TTC38: variants seen among roughly 807,000 people sequenced by gnomAD.
TTC38 encodes tetratricopeptide repeat protein 38.
TTC38 carries 64 observed loss-of-function variants against 64.2 expected under a neutral mutation model. The observed-to-expected ratio is 1.00, with a 90% CI of 0.81 to 1.23. TTC38 has a LOEUF of 1.23. Among genes scored for constraint, TTC38 ranks in the 50% most tolerant of loss-of-function variants. The pLI, the probability that TTC38 is intolerant of heterozygous loss-of-function variation, is 0.00. For synonymous variants in TTC38, 254 were observed against 249.3 expected (o/e 1.02, Z -0.18); for missense variants, 573 against 615.5 (o/e 0.93, Z 0.73).
At position 46,293,254 on chromosome 22, in the gene TTC38, C is replaced by T. The variant is rs145958827; in HGVS notation, c.*370C>T. Reference sequence around the variant, plus strand: ...CTGGGACAGGTCTTCCAGAGGCAGCCTCCCCCCACTGCCTGTCCCCGTCCC... The same window carrying T: ...CTGGGACAGGTCTTCCAGAGGCAGCTTCCCCCCACTGCCTGTCCCCGTCCC... On this transcript the variant is annotated 3_prime_UTR_variant, in exon 14 of 14. Coordinates refer to ENST00000381031, the MANE Select transcript of TTC38 (RefSeq NM_017931.4). The surrounding 1 kb of genome is among the most constrained non-coding windows in gnomAD (Gnocchi z 6.6). The T allele has an allele frequency of 4.0e-3, 929 of 231,278 alleles. 6 individuals are homozygous for T. The highest frequency in any genetic ancestry group is 6.1e-3 in the Non-Finnish European group (691 of 113,786). 14.3% of individuals were successfully genotyped at this position (231,278 alleles called of 1,614,324 possible).
chr22:46,285,005 G>A (rs1327750582), intron 8 of TTC38, among the ~76,000 whole-genome samples: 1 of 152,058 alleles, frequency 6.6e-6, no homozygotes, highest in Non-Finnish European at 1.5e-5. Flanking sequence ...TTCTTCAGTG[G>A]TGGCGGCACA....
chr22:46,271,280 G>A lies in TTC38; in HGVS notation c.112-1055G>A, dbSNP rs917819271. ...TTTTGAGACAGAGTCTCACTCTGTC[G>A]CCCAGGCTGGAGTGCAGTGGCGCCT... On this transcript the variant is annotated intron_variant, in intron 2 of 13. Transcript: ENST00000381031. This position sits in a 1 kb window ranked among gnomAD's most constrained non-coding sequence, Gnocchi z 5.5. 1.3e-5 allele frequency among the ~76,000 whole-genome samples: 2 copies of A among 150,906 alleles called. No homozygotes were observed. Among genetic ancestry groups the A allele is most frequent in the Non-Finnish European group, 3.0e-5 (2 of 67,706 alleles).
In TTC38 at chr22:46,273,894, C is replaced by T. The variant is rs1308868777; in HGVS notation, c.194-4C>T. 2 of 1,614,096 alleles carry T rather than the reference C, an allele frequency of 1.2e-6. No individual in the cohort carries two copies. The highest frequency in any genetic ancestry group is 1.1e-5 in the South Asian group (1 of 91,074). On this transcript the variant is annotated splice_region_variant and splice_polypyrimidine_tract_variant and intron_variant, in intron 3 of 13. Transcript: ENST00000381031. The surrounding 1 kb of genome is among the most constrained non-coding windows in gnomAD (Gnocchi z 5.1). Reference sequence around the variant, plus strand: ...CCACCAGCCGTTCTCTAACCTCCCACCAGTGATGGGCCACGCCATGGCTAC... The same window carrying T: ...CCACCAGCCGTTCTCTAACCTCCCATCAGTGATGGGCCACGCCATGGCTAC...
At chr22:46,289,970 G>A in intron 13 of TTC38, 71 bp downstream of exon 13, 7 of 1,378,364 alleles carry the variant, frequency 5.1e-6, no homozygotes, top group Non-Finnish European at 7.2e-6. Context: ...GGAGTGCCTG[G>A]AAGCCCCACC....
rs1396789017 is a variant in TTC38, at chr22:46,291,841, G to A, written c.1317-950G>A. On this transcript the variant is annotated intron_variant, in intron 13 of 13. Transcript: ENST00000381031. This position sits in a 1 kb window ranked among gnomAD's most constrained non-coding sequence, Gnocchi z 4.6. ...CGTGGTGGTGGGTACCTGTAATCCCGGCTAGTCGGGAGCCTGAGGCAGGAG... is the reference window on the plus strand; with the variant it reads ...CGTGGTGGTGGGTACCTGTAATCCCAGCTAGTCGGGAGCCTGAGGCAGGAG... Among the ~76,000 whole-genome samples the A allele has an allele frequency of 2.0e-5, 3 of 152,096 alleles. No homozygotes were observed. Among genetic ancestry groups the A allele is most frequent in the South Asian group, 2.1e-4 (1 of 4,812 alleles).
chr22:46,268,409 C>T (rs1439375669), intron 1 of TTC38, 105 bp from the exon 2 acceptor site: 2 of 1,241,544 alleles, frequency 1.6e-6, no homozygotes, highest in Admixed American at 2.0e-5. Flanking sequence ...GCCCATTTTA[C>T]AGATGAGGAA....
chr22:46,287,013 G>A, intron 9 of TTC38, 60 bp from the exon 10 acceptor site: 1 of 1,394,336 alleles, frequency 7.2e-7, no homozygotes, highest in Non-Finnish European at 9.8e-7. Context: ...CCCTGGCTGT[G>A]CCTGCAGCCC....
In TTC38 at chr22:46,274,655, G is replaced by C. The variant is rs1293307408; in HGVS notation, c.365+586G>C. Among the ~76,000 whole-genome samples, 4 of 152,182 alleles carry C rather than the reference G, an allele frequency of 2.6e-5. No individual in the cohort carries two copies. The highest frequency in any genetic ancestry group is 4.4e-5 in the Non-Finnish European group (3 of 68,034). On this transcript the variant is annotated intron_variant, in intron 4 of 13. Coordinates refer to ENST00000381031, the MANE Select transcript of TTC38 (RefSeq NM_017931.4). This position sits in a 1 kb window ranked among gnomAD's most constrained non-coding sequence, Gnocchi z 4.8. ...CTGGTCTTCCTGGTAAGTCAGCCCAGGTGTGGGTTCCACCTCAGAGACTTC... is the reference window on the plus strand; with the variant it reads ...CTGGTCTTCCTGGTAAGTCAGCCCACGTGTGGGTTCCACCTCAGAGACTTC...
In TTC38 at chr22:46,270,571, G is replaced by A. The variant is rs1043409433; in HGVS notation, c.112-1764G>A. 1.3e-5 allele frequency among the ~76,000 whole-genome samples: 2 copies of A among 152,178 alleles called. No individual in the cohort carries two copies. The highest frequency in any genetic ancestry group is 3.2e-3 in the Middle Eastern group (1 of 316). On this transcript the variant is annotated intron_variant, in intron 2 of 13. Transcript: ENST00000381031. This position sits in a 1 kb window ranked among gnomAD's most constrained non-coding sequence, Gnocchi z 4.7. ...TGATGCGCTGGGCGCGGTGACTCACGCCTGTAATCCCAGCACTTTGGGAGG... is the reference window on the plus strand; with the variant it reads ...TGATGCGCTGGGCGCGGTGACTCACACCTGTAATCCCAGCACTTTGGGAGG...
At position 46,289,468 on chromosome 22, in the gene TTC38, G is replaced by A. The variant is rs989283466; in HGVS notation, c.1149G>A (p.Leu383=). Residue 383 remains leucine, a synonymous_variant, in exon 12 of 14, where the codon CTG becomes CTA. Coordinates refer to ENST00000381031, the MANE Select transcript of TTC38 (RefSeq NM_017931.4). ...RDVGLPLCQA[L]VEAEDGNPDR... ...TGGGGCTGCCCCTGTGCCAGGCCCTGGTGGAGGCTGAGGACGGGAACCCTG... is the reference window on the plus strand; with the variant it reads ...TGGGGCTGCCCCTGTGCCAGGCCCTAGTGGAGGCTGAGGACGGGAACCCTG... 5.6e-6 allele frequency: 9 copies of A among 1,609,442 alleles called. No homozygotes were observed. The African/African-American group carries it at 1.1e-4, about 19-fold the overall frequency.
intron 6 of TTC38, among the ~76,000 whole-genome samples, chr22:46,280,809 G>A (rs931125334): frequency 5.3e-5 from 8 of 152,224 alleles, no homozygotes; most frequent in Non-Finnish European, 7.3e-5. Flanking sequence ...TGGGGCTGGC[G>A]GGAACTCATG....
In TTC38 at chr22:46,289,447, G is replaced by C. The variant is rs1555888469; in HGVS notation, c.1128G>C (p.Gly376=). The C allele has an allele frequency of 1.9e-6, 3 of 1,609,480 alleles. No individual in the cohort carries two copies. The highest frequency in any genetic ancestry group is 2.2e-5 in the South Asian group (2 of 90,994). The change falls in exon 12 of 14, where the codon GGG becomes GGC. Residue 376 remains glycine, a synonymous_variant. Coordinates refer to ENST00000381031, the MANE Select transcript of TTC38 (RefSeq NM_017931.4). The part of the protein sequence containing the change: ...NCQHLLARDV[G]LPLCQALVEA... ...AGCACCTCCTGGCCCGAGACGTGGG[G>C]CTGCCCCTGTGCCAGGCCCTGGTGG... is the stretch of plus-strand genomic sequence containing the variant.
In TTC38 at chr22:46,293,118, G is replaced by GT; in HGVS notation, c.*235dup. On this transcript the variant is annotated 3_prime_UTR_variant, in exon 14 of 14. Coordinates refer to ENST00000381031, the MANE Select transcript of TTC38 (RefSeq NM_017931.4). The surrounding 1 kb of genome is among the most constrained non-coding windows in gnomAD (Gnocchi z 6.6). ...GCATTTTTCAGCAGTCACAGCCAGTGTGAGTGCTGCTCTTTCCACCTGCCT... is the reference window on the plus strand; with the variant it reads ...GCATTTTTCAGCAGTCACAGCCAGTGTTGAGTGCTGCTCTTTCCACCTGCCT... 1.9e-6 allele frequency: 1 copy of GT among 516,398 alleles called. No homozygotes were observed. Among genetic ancestry groups the GT allele is most frequent in the Non-Finnish European group, 3.5e-6 (1 of 281,740 alleles). The allele number at this position is 516,398 out of a possible 1,614,324, so 32.0% of individuals were successfully genotyped here.
intron 5 of TTC38, among the ~76,000 whole-genome samples, chr22:46,278,166 G>A (rs775994534): frequency 2.6e-4 from 40 of 152,222 alleles, no homozygotes; most frequent in Non-Finnish European, 5.3e-4. Flanking sequence ...TGGAGCAGCA[G>A]ACAGGTACTC....
At chr22:46,269,362 AG>A (rs1174174615) in intron 2 of TTC38, 1 of 178,810 alleles carries the variant, frequency 5.6e-6, no homozygotes, top group Non-Finnish European at 1.3e-5. Flanking sequence ...CTACCAATGA[AG>A]GGTCCTATAG....
chr22:46,270,858 C>T lies in TTC38; in HGVS notation c.112-1477C>T, dbSNP rs1038900723. 1.1e-4 allele frequency among the ~76,000 whole-genome samples: 17 copies of T among 148,464 alleles called. No individual in the cohort carries two copies. The highest frequency in any genetic ancestry group is 2.0e-4 in the East Asian group (1 of 5,040). On this transcript the variant is annotated intron_variant, in intron 2 of 13. Coordinates refer to ENST00000381031, the MANE Select transcript of TTC38 (RefSeq NM_017931.4). This position sits in a 1 kb window ranked among gnomAD's most constrained non-coding sequence, Gnocchi z 4.7. Reference sequence around the variant, plus strand: ...CAAAAAAGAAAAAAAAAAAATTAGCCGGGCGCAGTGGTGCACACCTGTAAT... The same window carrying T: ...CAAAAAAGAAAAAAAAAAAATTAGCTGGGCGCAGTGGTGCACACCTGTAAT...
intron 2 of TTC38, chr22:46,269,112 A>G (rs1274067604): frequency 6.9e-6 from 3 of 437,232 alleles, no homozygotes; most frequent in Admixed American, 2.8e-5. Context: ...GCGTCCTAAA[A>G]GGGCCTCTGC....
At position 46,272,492 on chromosome 22, in the gene TTC38, A is replaced by G; in HGVS notation, c.193+76A>G. On this transcript the variant is annotated intron_variant, in intron 3 of 13. Coordinates refer to ENST00000381031, the MANE Select transcript of TTC38 (RefSeq NM_017931.4). The surrounding 1 kb of genome is among the most constrained non-coding windows in gnomAD (Gnocchi z 6.4). ...CCTCTCTTTCCTTTACCACAGGGAC[A>G]CAGTTGGGATGGGGAAGGCAGGTTG... 1 of 1,320,836 alleles carries G rather than the reference A, an allele frequency of 7.6e-7. No individual in the cohort carries two copies. Among genetic ancestry groups the G allele is most frequent in the South Asian group, 1.2e-5 (1 of 83,202 alleles). The allele number at this position is 1,320,836 out of a possible 1,614,324, so 81.8% of individuals were successfully genotyped here. A position where few individuals can be genotyped will look rare whatever the true frequency, so the allele number is the denominator to read the frequency against.
Position 46,289,909 on chromosome 22 carries a change from T to C in TTC38, c.1316+10T>C. 6.2e-7 allele frequency: 1 copy of C among 1,613,430 alleles called. No homozygotes were observed. On this transcript the variant is annotated intron_variant, in intron 13 of 13. Coordinates refer to ENST00000381031, the MANE Select transcript of TTC38 (RefSeq NM_017931.4). The stretch of plus-strand genomic sequence containing the variant: ...ATAAGAACGTAGCCCGGTGAGCTCC[T>C]GGCCCCTGCCCAGCACTCCCGACCT...
Sources: gnomAD v4.1 joint callset for allele counts (sites outside exome capture counted in the v4.1 genomes callset) on GRCh38, gnomAD v4.1.1 for gene constraint, Gnocchi (gnomAD v3.1) non-coding constraint, MANE v1.5 for transcripts, NCBI Gene and HGNC (gene_info 2026-07-23, HGNC 2026-07-21) for gene names.